The following ARHGEF6 variants were observed in gnomAD, a reference collection of about 807,000 sequenced individuals.
ARHGEF6 encodes rho guanine nucleotide exchange factor 6.
ARHGEF6 carries 9 observed loss-of-function variants against 70.3 expected under a neutral mutation model. The ratio of observed to expected loss-of-function variants is 0.13; its 90% CI spans 0.08 to 0.22. ARHGEF6 has a LOEUF of 0.22. ARHGEF6 is among the 10% of genes least tolerant of loss of function. The pLI is 1.00. For missense variants in ARHGEF6, 470 were observed against 563.0 expected, an observed-to-expected ratio of 0.83 and a Z score of 1.67; for synonymous variants, 201 against 207.8, an observed-to-expected ratio of 0.97 and a Z score of 0.28.
chrX:136,727,329 CTTTCTTTCTTTCTT>C lies in ARHGEF6; in HGVS notation c.732+4759_732+4772del, dbSNP rs1569410792. Among the ~76,000 whole-genome samples, 121 of 29,315 alleles carry C rather than the reference CTTTCTTTCTTTCTT, an allele frequency of 4.1e-3. 1 individual carries two copies. Among genetic ancestry groups the C allele is most frequent in the African/African-American group, 9.8e-3 (103 of 10,534 alleles). The allele number at this position is 29,315 out of a possible 115,157, so 25.5% of individuals were successfully genotyped here. On this transcript the variant is annotated intron_variant, in intron 6 of 21. Transcript: ENST00000250617. The stretch of plus-strand genomic sequence containing the variant: ...AGTCTTTCTTTCTTTCTTTCTTTTT[CTTTCTTTCTTTCTT>C]TCTTTCTTTCTTTCTTTCTTTCTTT...
At chrX:136,686,629 T>TATACAC (rs1556214640) in intron 11 of ARHGEF6, among the ~76,000 whole-genome samples, 46 of 74,100 alleles carry the variant, frequency 6.2e-4, no homozygotes, top group African/African-American at 3.2e-3. Flanking sequence ...TATACACATA[T>TATACAC]ATATATATAT....
In ARHGEF6 at chrX:136,694,361, A is replaced by G. The variant is rs189805700; in HGVS notation, c.1047-3613T>C. Among the ~76,000 whole-genome samples, 770 of 111,792 alleles carry G rather than the reference A, an allele frequency of 6.9e-3. 4 individuals carry two copies. Among genetic ancestry groups the G allele is most frequent in the Non-Finnish European group, 8.3e-3 (438 of 53,071 alleles). On this transcript the variant is annotated intron_variant, in intron 9 of 21. Transcript: ENST00000250617. Reference sequence around the variant, plus strand: ...AGCCACCGCGCCCGGCCTTGTCCCTACCACTTTTTGTTTGTGATCAGTCTT... The same window carrying G: ...AGCCACCGCGCCCGGCCTTGTCCCTGCCACTTTTTGTTTGTGATCAGTCTT...
chrX:136,676,485 T>C, intron 18 of ARHGEF6, 139 bp downstream of exon 18: 2 of 478,757 alleles, frequency 4.2e-6, no homozygotes, highest in South Asian at 3.1e-5. Context: ...AAGCTTTCCA[T>C]GCATTCTTCT....
rs138082900 is a variant in ARHGEF6, at chrX:136,710,828, A to G, written c.828-2058T>C. Among the ~76,000 whole-genome samples, 461 of 111,680 alleles carry G rather than the reference A, an allele frequency of 4.1e-3. 6 individuals are homozygous for G. The highest frequency in any genetic ancestry group is 0.015 in the African/African-American group (446 of 30,653). ...GTAAGAAAAAAAAACAAATAATCCC[A>G]TCAAAAAGCAGGCAAATGACATGAA... On this transcript the variant is annotated intron_variant, in intron 7 of 21. Coordinates refer to ENST00000250617, the MANE Select transcript of ARHGEF6 (RefSeq NM_004840.3).
chrX:136,718,362 G>A (rs1264900327), intron 6 of ARHGEF6, among the ~76,000 whole-genome samples: 1 of 110,904 alleles, frequency 9.0e-6, no homozygotes, highest in Non-Finnish European at 1.9e-5. Context: ...CAAACTACAT[G>A]AGGCACAACT....
intron 2 of ARHGEF6, among the ~76,000 whole-genome samples, chrX:136,766,034 G>A (rs1425396937): frequency 1.8e-5 from 2 of 112,756 alleles, no homozygotes; most frequent in African/African-American, 6.5e-5. Flanking sequence ...CCTGAAGCTG[G>A]CTTATTATGT....
In ARHGEF6 at chrX:136,690,679, G is replaced by T; in HGVS notation, c.1116C>A (p.Asn372Lys). ...CCAGTCGCATGAATGGTTTGCTGAG[G>T]TTTGTTGTTAAAATGAGGATACCTG... The part of the protein sequence containing the change: ...SSPGILILTT[N>K]LSKPFMRLEK... The change falls in exon 10 of 22, where the codon AAC (asparagine) becomes AAA (lysine). Residue 372 changes from asparagine (N) to lysine (K), a missense_variant. Physicochemically the swap from Asn to Lys is moderately conservative, Grantham distance 94. Coordinates refer to ENST00000250617, the MANE Select transcript of ARHGEF6 (RefSeq NM_004840.3). The T allele has an allele frequency of 8.3e-7, 1 of 1,210,592 alleles. No homozygotes were observed. Among genetic ancestry groups the T allele is most frequent in the Non-Finnish European group, 1.1e-6 (1 of 894,677 alleles).
rs1440215386 is a variant in ARHGEF6 at position 136,665,918 on chromosome X, A to C, written c.*2111T>G. The C allele has an allele frequency of 8.9e-6, 1 of 112,543 alleles. No individual in the cohort carries two copies. The highest frequency in any genetic ancestry group is 1.9e-5 in the Non-Finnish European group (1 of 53,261). The allele number at this position is 112,543 out of a possible 1,213,427, so 9.3% of individuals were successfully genotyped here. The stretch of plus-strand genomic sequence containing the variant: ...ATGTACTCATCACTGTAAAATGAAG[A>C]CCTTTCAATATTTTCAGCAATCAAC... On this transcript the variant is annotated 3_prime_UTR_variant, in exon 22 of 22. Coordinates refer to ENST00000250617, the MANE Select transcript of ARHGEF6 (RefSeq NM_004840.3).
At chrX:136,734,949 C>T (rs2076971334) in intron 5 of ARHGEF6, among the ~76,000 whole-genome samples, 1 of 111,533 alleles carries the variant, frequency 9.0e-6, no homozygotes, top group South Asian at 3.7e-4. Context: ...AAAAAAATAA[C>T]TCATGGAAAA....
At chrX:136,668,280 C>T in intron 21 of ARHGEF6, 111 bp from the exon 22 acceptor site, 1 of 919,141 alleles carries the variant, frequency 1.1e-6, no homozygotes, top group Non-Finnish European at 1.5e-6. Context: ...CTTTCCTCGA[C>T]CTTCCCTCCC....
chrX:136,707,324 A>C (rs913706202), intron 8 of ARHGEF6, among the ~76,000 whole-genome samples: 7 of 112,205 alleles, frequency 6.2e-5, no homozygotes, highest in African/African-American at 1.3e-4. Context: ...GGGTACACTA[A>C]AAATATTCTT....
At chrX:136,697,754 C>T (rs1294949273) in intron 9 of ARHGEF6, among the ~76,000 whole-genome samples, 2 of 112,622 alleles carry the variant, frequency 1.8e-5, no homozygotes, top group Admixed American at 9.4e-5. Context: ...ACAACAAAAA[C>T]ATGTCCCAGA....
intron 6 of ARHGEF6, among the ~76,000 whole-genome samples, chrX:136,727,415 T>TCTCTCTC (rs1569411130): frequency 2.7e-4 from 21 of 78,699 alleles, no homozygotes; most frequent in Admixed American, 9.2e-4. Context: ...CTCTCTCTCT[T>TCTCTCTC]TCTTTCTTTC....
intron 6 of ARHGEF6, among the ~76,000 whole-genome samples, chrX:136,721,248 G>T (rs1231627405): frequency 8.9e-6 from 1 of 112,265 alleles, no homozygotes; most frequent in Non-Finnish European, 1.9e-5. Flanking sequence ...CGGATGCATG[G>T]ACAGAGAAAA....
chrX:136,674,311 G>A (rs1019273615), intron 19 of ARHGEF6, among the ~76,000 whole-genome samples: 9 of 112,757 alleles, frequency 8.0e-5, no homozygotes, highest in East Asian at 2.8e-4. Context: ...TTATGCAGGT[G>A]CAAAAACTTC....
chrX:136,772,017 C>T (rs774050695), intron 2 of ARHGEF6, among the ~76,000 whole-genome samples: 12 of 111,870 alleles, frequency 1.1e-4, no homozygotes, highest in African/African-American at 3.6e-4. Context: ...TAACTGTCCA[C>T]CAACAAATGA....
intron 6 of ARHGEF6, among the ~76,000 whole-genome samples, chrX:136,721,987 C>T (rs997555556): frequency 9.0e-6 from 1 of 111,155 alleles, no homozygotes; most frequent in African/African-American, 3.3e-5. Flanking sequence ...AATTAGCTAG[C>T]TTTAGTCATT....
chrX:136,681,838 T>G (rs2076335730), intron 14 of ARHGEF6, 52 bp downstream of exon 14: 1 of 1,059,458 alleles, frequency 9.4e-7, no homozygotes, highest in East Asian at 3.0e-5. Flanking sequence ...AAATTCCCCT[T>G]CATTCCAAAA....
intron 6 of ARHGEF6, among the ~76,000 whole-genome samples, chrX:136,714,280 C>T (rs760502137): frequency 2.7e-5 from 3 of 111,758 alleles, no homozygotes; most frequent in East Asian, 5.6e-4. Flanking sequence ...GTAAAACCTT[C>T]ATTTAATACC....
Sources: allele counts gnomAD v4.1 joint callset (sites outside exome capture counted in the v4.1 genomes callset), GRCh38; gene constraint gnomAD v4.1.1; transcripts MANE v1.5; gene names NCBI Gene and HGNC (gene_info 2026-07-23, HGNC 2026-07-21).